The following GTF3C5 variants were observed in gnomAD, a reference collection of about 807,000 sequenced individuals.
GTF3C5 encodes the protein general transcription factor 3C polypeptide 5.
GTF3C5 carries 47 observed loss-of-function variants against 61.0 expected under a neutral mutation model. The observed-to-expected ratio is 0.77, with a 90% CI of 0.61 to 0.98. GTF3C5 has a LOEUF of 0.98. GTF3C5 is among the 50% of genes least tolerant of loss of function. The pLI is 0.00. For synonymous variants in GTF3C5, 295 were observed against 275.4 expected, an observed-to-expected ratio of 1.07 and a Z score of -0.71; for missense variants, 659 against 703.3, an observed-to-expected ratio of 0.94 and a Z score of 0.71.
intron 7 of GTF3C5, 67 bp downstream of exon 7, chr9:133,054,555 C>G: frequency 1.3e-6 from 2 of 1,509,354 alleles, no homozygotes; most frequent in East Asian, 4.6e-5. Flanking sequence ...CACCTGGACC[C>G]AGACGGGGAG....
Position 133,043,599 on chromosome 9 carries a change from G to C in GTF3C5, c.374-129G>C, listed in dbSNP as rs1850101289. The C allele has an allele frequency of 2.3e-5, 16 of 706,420 alleles. No individual in the cohort carries two copies. The East Asian group carries it at 4.2e-4, about 19-fold the overall frequency. The allele number at this position is 706,420 out of a possible 1,614,324, so 43.8% of individuals were successfully genotyped here. On this transcript the variant is annotated intron_variant, in intron 2 of 10. Transcript: ENST00000372097. ...GCATTTGGGAAGGGTGTGTTTTCCT[G>C]CCACCCTCACCCTGCAGCCTCCACC...
chr9:133,039,396 T>A (rs1159160652), intron 1 of GTF3C5, among the ~76,000 whole-genome samples: 2 of 152,142 alleles, frequency 1.3e-5, no homozygotes, highest in Non-Finnish European at 2.9e-5. Flanking sequence ...CTTCTGTACT[T>A]CTTTATTTTT....
rs371667310 is a variant in GTF3C5 at position 133,055,215 on chromosome 9, G to T, written c.1167+406G>T. On this transcript the variant is annotated intron_variant, in intron 8 of 10. Coordinates refer to ENST00000372097, the MANE Select transcript of GTF3C5 (RefSeq NM_012087.4). The stretch of plus-strand genomic sequence containing the variant: ...TGTGGCAGGAGCCTCACTGGCTCAC[G>T]TTTCCGTCAGTGCGGTTGCCCAGCG... 1,257 of 1,516,334 alleles carry T rather than the reference G, an allele frequency of 8.3e-4. 11 individuals carry two copies. Among genetic ancestry groups the T allele is most frequent in the Middle Eastern group, 1.2e-3 (7 of 5,876 alleles). 93.9% of individuals were successfully genotyped at this position (1,516,334 alleles called of 1,614,324 possible).
intron 1 of GTF3C5, 75 bp downstream of exon 1, chr9:133,031,239 C>T (rs1849723005): frequency 2.9e-6 from 4 of 1,368,922 alleles, no homozygotes; most frequent in Non-Finnish European, 3.0e-6. Flanking sequence ...AAGGATTTCT[C>T]AGCAAGGGAA....
intron 1 of GTF3C5, among the ~76,000 whole-genome samples, chr9:133,039,579 A>T (rs994015384): frequency 2.0e-5 from 3 of 152,038 alleles, no homozygotes; most frequent in African/African-American, 7.2e-5. Flanking sequence ...AGTTTTTGGT[A>T]TTTTTTGTAG....
intron 3 of GTF3C5, among the ~76,000 whole-genome samples, chr9:133,045,486 G>C (rs923760721): frequency 1.3e-5 from 2 of 152,210 alleles, no homozygotes; most frequent in African/African-American, 2.4e-5. Context: ...CCCAGAAGTA[G>C]CGACTTGGCC....
chr9:133,054,819 C>G lies in GTF3C5; in HGVS notation c.1167+10C>G. The G allele has an allele frequency of 6.4e-7, 1 of 1,557,110 alleles. No individual in the cohort carries two copies. Among genetic ancestry groups the G allele is most frequent in the Non-Finnish European group, 8.7e-7 (1 of 1,150,704 alleles). ...CAAGTACAAGCTCAAGGTGGGCGCC[C>G]CTGGAGGCCAGGAATGGAGGGGAGG... On this transcript the variant is annotated intron_variant, in intron 8 of 10. Transcript: ENST00000372097.
chr9:133,057,234 G>C (rs1479065210), intron 10 of GTF3C5, among the ~76,000 whole-genome samples: 1 of 152,166 alleles, frequency 6.6e-6, no homozygotes, highest in Admixed American at 6.5e-5. Flanking sequence ...TTTCAGCTGT[G>C]CATGCGCAGG....
intron 10 of GTF3C5, 47 bp downstream of exon 10, chr9:133,056,955 C>T (rs769704811): frequency 6.6e-7 from 1 of 1,520,468 alleles, no homozygotes; most frequent in Non-Finnish European, 8.8e-7. Context: ...CTGGTGATCT[C>T]CTTTGAGACA....
chr9:133,041,926 G>A (rs1850050845), intron 1 of GTF3C5, among the ~76,000 whole-genome samples, 161 bp from the exon 2 acceptor site: 1 of 152,188 alleles, frequency 6.6e-6, no homozygotes, highest in East Asian at 1.9e-4. Flanking sequence ...AGATACATGG[G>A]TTTAAAAAAT....
intron 5 of GTF3C5, 26 bp downstream of exon 5, chr9:133,052,190 G>C (rs747551956): frequency 7.6e-7 from 1 of 1,323,800 alleles, no homozygotes; most frequent in Non-Finnish European, 1.1e-6. Flanking sequence ...CCACCCACCT[G>C]CCTTGGTTTC....
Position 133,035,916 on chromosome 9 carries a change from G to A in GTF3C5, c.153+4752G>A, listed in dbSNP as rs140075345. Among the ~76,000 whole-genome samples the A allele has an allele frequency of 2.1e-3, 320 of 152,272 alleles. 2 individuals carry two copies. The highest frequency in any genetic ancestry group is 7.0e-3 in the African/African-American group (291 of 41,532). On this transcript the variant is annotated intron_variant, in intron 1 of 10. Coordinates refer to ENST00000372097, the MANE Select transcript of GTF3C5 (RefSeq NM_012087.4). ...TCGTTCGGTCCAAATTTTTCCAAAG[G>A]TATGAGCTAGCCCGAAGGCGTACTT...
Position 133,053,925 on chromosome 9 carries a change from G to A in GTF3C5, c.971G>A (p.Arg324His), listed in dbSNP as rs141801969. 3.1e-6 allele frequency: 5 copies of A among 1,608,026 alleles called. No individual in the cohort carries two copies. The highest frequency in any genetic ancestry group is 4.3e-6 in the Non-Finnish European group (5 of 1,174,966). ...TATCAAGTCCTCGATTTCCGAATCCGTTGTGGAATGAAACACGGTAAAAAT... is the reference window on the plus strand; with the variant it reads ...TATCAAGTCCTCGATTTCCGAATCCATTGTGGAATGAAACACGGTAAAAAT... ...KIYQVLDFRI[R>H]CGMKHGYAPS... Residue 324 changes from arginine (R) to histidine (H), a missense_variant, in exon 6 of 11, where the codon CGT becomes CAT. Physicochemically the swap from Arg to His is conservative, Grantham distance 29. Transcript: ENST00000372097.
At chr9:133,044,042 G>GGCT in intron 3 of GTF3C5, 116 bp downstream of exon 3, 1 of 732,924 alleles carries the variant, frequency 1.4e-6, no homozygotes, top group South Asian at 1.8e-5. Flanking sequence ...CTACTCGGGA[G>GGCT]GCTGAGGCTG....
rs148583644 is a variant in GTF3C5 at position 133,039,003 on chromosome 9, G to A, written c.154-3084G>A. ...TTCTCTGCCACGTACGGCTCTAGGT[G>A]CCTTACTTAGAGTCCGTCCTCTTTA... On this transcript the variant is annotated intron_variant, in intron 1 of 10. Transcript: ENST00000372097. Among the ~76,000 whole-genome samples, 5 of 152,328 alleles carry A rather than the reference G, an allele frequency of 3.3e-5. No homozygotes were observed. The East Asian group carries it at 9.6e-4, about 29-fold the overall frequency.
At chr9:133,042,423 C>G (rs369096942) in intron 2 of GTF3C5, 117 bp downstream of exon 2, 118 of 721,754 alleles carry the variant, frequency 1.6e-4, no homozygotes, top group Non-Finnish European at 2.5e-4. Flanking sequence ...TGCCCAGGGG[C>G]TGTGGGGACA....
At position 133,031,100 on chromosome 9, in the gene GTF3C5, C is replaced by T; in HGVS notation, c.89C>T (p.Pro30Leu). The T allele has an allele frequency of 6.2e-6, 10 of 1,606,684 alleles. No homozygotes were observed. Among genetic ancestry groups the T allele is most frequent in the Non-Finnish European group, 8.5e-6 (10 of 1,176,246 alleles). Residue 30 changes from proline (P) to leucine (L), a missense_variant, in exon 1 of 11, where the codon CCG becomes CTG. Transcript: ENST00000372097. ...RERRMVCVEY[P>L]GVVRDVAKML... Reference sequence around the variant, plus strand: ...CGACGCATGGTGTGCGTGGAGTACCCGGGAGTGGTGCGTGATGTGGCTAAG... The same window carrying T: ...CGACGCATGGTGTGCGTGGAGTACCTGGGAGTGGTGCGTGATGTGGCTAAG...
chr9:133,054,629 G>T, intron 7 of GTF3C5, 83 bp from the exon 8 acceptor site: 1 of 1,425,150 alleles, frequency 7.0e-7, no homozygotes, highest in South Asian at 1.2e-5. Context: ...GGGTGGGCTG[G>T]CAGGAGGGCA....
chr9:133,054,451 C>G lies in GTF3C5; in HGVS notation c.1032C>G (p.Thr344=), dbSNP rs1241874630. The part of the protein sequence containing the change: ...SDLPVKAKRS[T]YNYSLPITVK... ...TGCCGGTCAAAGCAAAGCGCAGCAC[C>G]TACAACTACAGCCTCCCCATCACCG... Residue 344 remains threonine (T), a synonymous_variant, in exon 7 of 11, where the codon ACC becomes ACG. Transcript: ENST00000372097. 1 of 1,614,202 alleles carries G rather than the reference C, an allele frequency of 6.2e-7. No homozygotes were observed.
Sources: gnomAD v4.1 joint callset for allele counts (sites outside exome capture counted in the v4.1 genomes callset) on GRCh38, gnomAD v4.1.1 for gene constraint, MANE v1.5 for transcripts, NCBI Gene and HGNC (gene_info 2026-07-23, HGNC 2026-07-21) for gene names.